Variants in RAC3 observed in about 807,000 individuals in gnomAD.
RAC3 encodes the protein ras-related C3 botulinum toxin substrate 3.
In RAC3, 9 loss-of-function variants were observed where a neutral mutation model predicts 19.0. The ratio of observed to expected loss-of-function variants is 0.47; its 90% CI spans 0.29 to 0.83. RAC3 has a LOEUF of 0.83. RAC3 is among the 40% of genes least tolerant of loss of function. The probability of loss-of-function intolerance (pLI) is 0.09; values close to 1 mark genes in which losing one functional copy is unlikely to be tolerated. For missense variants in RAC3, 203 were observed against 260.8 expected (o/e 0.78, Z 1.53); for synonymous variants, 146 against 111.8 (o/e 1.31, Z -1.93).
chr17:82,032,325 C>T, intron 1 of RAC3, 62 bp from the exon 2 acceptor site: 4 of 1,548,736 alleles, frequency 2.6e-6, no homozygotes, highest in Non-Finnish European at 3.6e-6. Context: ...GAGGGGGCTG[C>T]CCTTGCTGGG....
At chr17:82,031,951 G>GAGGGCGGGGT (rs1235965938) in intron 1 of RAC3, 155 bp downstream of exon 1, 1 of 179,766 alleles carries the variant, frequency 5.6e-6, no homozygotes, top group Non-Finnish European at 1.1e-5. Flanking sequence ...CGGGGTCGAG[G>GAGGGCGGGGT]AGGGCGGGGT....
chr17:82,033,974 G>GCAGAGAGGA lies in RAC3; in HGVS notation c.*148_*149insAGAGGACAG. 8.9e-7 allele frequency: 1 copy of GCAGAGAGGA among 1,119,780 alleles called. No individual in the cohort carries two copies. Among genetic ancestry groups the GCAGAGAGGA allele is most frequent in the Non-Finnish European group, 1.2e-6 (1 of 803,530 alleles). The allele number at this position is 1,119,780 out of a possible 1,614,324, so 69.4% of individuals were successfully genotyped here. On this transcript the variant is annotated 3_prime_UTR_variant, in exon 6 of 6. Transcript: ENST00000306897. This position sits in a 1 kb window ranked among gnomAD's most constrained non-coding sequence, Gnocchi z 6.2. ...GGAAGCATGGGGATGAGGCTGGGTG[G>GCAGAGAGGA]CAGGATCCTGTCCTCTCTGCCGCCT...
chr17:82,033,734 C>T lies in RAC3; in HGVS notation c.484C>T (p.Gln162Ter). 2 of 1,613,092 alleles carry T rather than the reference C, an allele frequency of 1.2e-6. No homozygotes were observed. Among genetic ancestry groups the T allele is most frequent in the Non-Finnish European group, 1.7e-6 (2 of 1,179,874 alleles). Reference sequence around the variant, plus strand: ...ATACCTGGAGTGCTCAGCCCTGACCCAGCGGGGCCTGAAGACAGTGTTTGA... The same window carrying T: ...ATACCTGGAGTGCTCAGCCCTGACCTAGCGGGGCCTGAAGACAGTGTTTGA... ...VKYLECSALT[Q>*]RGLKTVFDEA... Residue 162 changes from glutamine to a stop codon, truncating the protein, a stop_gained, in exon 6 of 6, where the codon CAG becomes TAG. Coordinates refer to ENST00000306897, the MANE Select transcript of RAC3 (RefSeq NM_005052.3). LOFTEE classifies it high-confidence loss of function. This position sits in a 1 kb window ranked among gnomAD's most constrained non-coding sequence, Gnocchi z 6.2.
rs528198490 is a variant in RAC3 at position 82,033,163 on chromosome 17, G to T, written c.288+154G>T. 1.4e-4 allele frequency among the ~76,000 whole-genome samples: 21 copies of T among 152,284 alleles called. No homozygotes were observed. The highest frequency in any genetic ancestry group is 8.5e-4 in the Admixed American group (13 of 15,292). Reference sequence around the variant, plus strand: ...TGACCATGGGGGCTGATGGGGTGCCGTGGTGGTGGTCACAGCTCTCAGAAT... The same window carrying T: ...TGACCATGGGGGCTGATGGGGTGCCTTGGTGGTGGTCACAGCTCTCAGAAT... On this transcript the variant is annotated intron_variant, in intron 4 of 5. Coordinates refer to ENST00000306897, the MANE Select transcript of RAC3 (RefSeq NM_005052.3). The surrounding 1 kb of genome is among the most constrained non-coding windows in gnomAD (Gnocchi z 6.2).
In RAC3 at chr17:82,032,037, G is replaced by A. The variant is rs369171676; in HGVS notation, c.35+241G>A. ...CCGGCTCCCGCTTGGGCTGGCTGCG[G>A]GCGAGGCGGGGCCGCCGCCCTGTCC... On this transcript the variant is annotated intron_variant, in intron 1 of 5. Transcript: ENST00000306897. The A allele has an allele frequency of 1.3e-5, 3 of 226,024 alleles. No homozygotes were observed. The South Asian group carries it at 3.7e-4, about 28-fold the overall frequency. The allele number at this position is 226,024 out of a possible 1,614,324, so 14.0% of individuals were successfully genotyped here. A position where few individuals can be genotyped will look rare whatever the true frequency, so the allele number is the denominator to read the frequency against.
In RAC3 at chr17:82,034,046, G is replaced by A. The variant is rs371608454; in HGVS notation, c.*217G>A. 7 of 533,892 alleles carry A rather than the reference G, an allele frequency of 1.3e-5. No homozygotes were observed. Among genetic ancestry groups the A allele is most frequent in the East Asian group, 3.8e-5 (1 of 26,590 alleles). 33.1% of individuals were successfully genotyped at this position (533,892 alleles called of 1,614,324 possible). On this transcript the variant is annotated 3_prime_UTR_variant, in exon 6 of 6. Coordinates refer to ENST00000306897, the MANE Select transcript of RAC3 (RefSeq NM_005052.3). Reference sequence around the variant, plus strand: ...CCTTCCCTGGCCCCCGCCGGAGGCCGGGAGGGAGCAGGGTCTCCCTCAGGG... The same window carrying A: ...CCTTCCCTGGCCCCCGCCGGAGGCCAGGAGGGAGCAGGGTCTCCCTCAGGG...
In RAC3 at chr17:82,033,002, G is replaced by C. The variant is rs755954997; in HGVS notation, c.281G>C (p.Arg94Pro). Residue 94 changes from arginine to proline, a missense_variant, in exon 4 of 6, where the codon CGT becomes CCT. Physicochemically the swap from Arg to Pro is moderately radical, Grantham distance 103. Coordinates refer to ENST00000306897, the MANE Select transcript of RAC3 (RefSeq NM_005052.3). This position sits in a 1 kb window ranked among gnomAD's most constrained non-coding sequence, Gnocchi z 6.2. ...AGCCCGGCCTCCTTCGAGAATGTTCGTGCCAAGGTAGGGCAAGGCTGGGGG... is the reference window on the plus strand; with the variant it reads ...AGCCCGGCCTCCTTCGAGAATGTTCCTGCCAAGGTAGGGCAAGGCTGGGGG... Reference protein sequence around the residue: ...LVSPASFENVRAKWYPEVRHH... With the variant: ...LVSPASFENVPAKWYPEVRHH... 1.2e-6 allele frequency: 2 copies of C among 1,613,350 alleles called. No individual in the cohort carries two copies. Among genetic ancestry groups the C allele is most frequent in the South Asian group, 1.1e-5 (1 of 91,084 alleles).
Position 82,031,740 on chromosome 17 carries a change from C to A in RAC3, c.-22C>A. The A allele has an allele frequency of 1.0e-6, 1 of 991,184 alleles. No individual in the cohort carries two copies. The highest frequency in any genetic ancestry group is 1.8e-5 in the African/African-American group (1 of 56,798). 61.4% of individuals were successfully genotyped at this position (991,184 alleles called of 1,614,324 possible). ...CCGCAGCTCGGCTCGCGGCCGCGCC[C>A]GCCGCCGCCCGGCCCGCGCCCATGC... On this transcript the variant is annotated 5_prime_UTR_variant, in exon 1 of 6. Coordinates refer to ENST00000306897, the MANE Select transcript of RAC3 (RefSeq NM_005052.3).
At position 82,033,939 on chromosome 17, in the gene RAC3, T is replaced by G. The variant is rs1598459694; in HGVS notation, c.*110T>G. The G allele has an allele frequency of 4.9e-5, 60 of 1,223,374 alleles. No individual in the cohort carries two copies. Among genetic ancestry groups the G allele is most frequent in the East Asian group, 6.1e-5 (2 of 32,868 alleles). The allele number at this position is 1,223,374 out of a possible 1,614,324, so 75.8% of individuals were successfully genotyped here. Reference sequence around the variant, plus strand: ...AGTCGGCTGTGGGGAGCGGTGGGGGTGGGCCGGGGGGAAGCATGGGGATGA... The same window carrying G: ...AGTCGGCTGTGGGGAGCGGTGGGGGGGGGCCGGGGGGAAGCATGGGGATGA... On this transcript the variant is annotated 3_prime_UTR_variant, in exon 6 of 6. Coordinates refer to ENST00000306897, the MANE Select transcript of RAC3 (RefSeq NM_005052.3). This position sits in a 1 kb window ranked among gnomAD's most constrained non-coding sequence, Gnocchi z 6.2.
chr17:82,032,991 C>T lies in RAC3; in HGVS notation c.270C>T (p.Phe90=), dbSNP rs760103983. 4.8e-5 allele frequency: 78 copies of T among 1,613,514 alleles called. 1 individual carries two copies. The Admixed American group carries it at 5.5e-4, about 11-fold the overall frequency. The change falls in exon 4 of 6, where the codon TTC becomes TTT. Residue 90 remains phenylalanine, a synonymous_variant. Coordinates refer to ENST00000306897, the MANE Select transcript of RAC3 (RefSeq NM_005052.3). The part of the protein sequence containing the change: ...ICFSLVSPAS[F]ENVRAKWYPE... ...TCTCTCTGGTGAGCCCGGCCTCCTTCGAGAATGTTCGTGCCAAGGTAGGGC... is the reference window on the plus strand; with the variant it reads ...TCTCTCTGGTGAGCCCGGCCTCCTTTGAGAATGTTCGTGCCAAGGTAGGGC...
At position 82,031,757 on chromosome 17, in the gene RAC3, C is replaced by G; in HGVS notation, c.-5C>G. 2.0e-6 allele frequency: 2 copies of G among 996,578 alleles called. No homozygotes were observed. Among genetic ancestry groups the G allele is most frequent in the Non-Finnish European group, 2.4e-6 (2 of 839,442 alleles). 61.7% of individuals were successfully genotyped at this position (996,578 alleles called of 1,614,324 possible). ...GCCGCGCCCGCCGCCGCCCGGCCCG[C>G]GCCCATGCAGGCCATCAAGTGCGTG... On this transcript the variant is annotated 5_prime_UTR_variant, in exon 1 of 6. Transcript: ENST00000306897.
Position 82,032,796 on chromosome 17 carries a change from G to A in RAC3, c.193G>A (p.Asp65Asn). Residue 65 changes from aspartate to asparagine, a missense_variant, in exon 3 of 6, where the codon GAT (aspartate) becomes AAT (asparagine). This residue lies in a region of RAC3 where 12 missense variants were observed against 35.2 expected (regional missense o/e 0.34). Transcript: ENST00000306897. ...GGACACAGCGGGTCAGGAGGACTAC[G>A]ATCGGCTGCGGCCACTCTCCTACCC... ...LWDTAGQEDY[D>N]RLRPLSYPQT... 6.2e-7 allele frequency: 1 copy of A among 1,613,022 alleles called. No homozygotes were observed. Among genetic ancestry groups the A allele is most frequent in the Non-Finnish European group, 8.5e-7 (1 of 1,179,998 alleles).
chr17:82,031,794 C>A lies in RAC3; in HGVS notation c.33C>A (p.Asp11Glu). Residue 11 changes from aspartate (D) to glutamate (E), a missense_variant and splice_region_variant, in exon 1 of 6, where the codon GAC becomes GAA. This residue lies in a region of RAC3 where 49 missense variants were observed against 67.4 expected (regional missense o/e 0.73). Coordinates refer to ENST00000306897, the MANE Select transcript of RAC3 (RefSeq NM_005052.3). ...CCATCAAGTGCGTGGTGGTCGGCGA[C>A]GGGTGAGTGCGCGGCCCGGAGGCCG... is the stretch of plus-strand genomic sequence containing the variant. The part of the protein sequence containing the change: MQAIKCVVVG[D>E]GAVGKTCLLI... 1.2e-6 allele frequency: 1 copy of A among 862,418 alleles called. No homozygotes were observed. Among genetic ancestry groups the A allele is most frequent in the Non-Finnish European group, 1.4e-6 (1 of 722,988 alleles). 53.4% of individuals were successfully genotyped at this position (862,418 alleles called of 1,614,324 possible).
intron 2 of RAC3, 60 bp from the exon 3 acceptor site, chr17:82,032,651 C>T (rs998681288): frequency 6.6e-7 from 1 of 1,524,494 alleles, no homozygotes; most frequent in East Asian, 2.3e-5. Context: ...CACAGGCCAG[C>T]AGGGCTGGGG....
At position 82,033,511 on chromosome 17, in the gene RAC3, C is replaced by G. The variant is rs757361062; in HGVS notation, c.360C>G (p.Arg120=). Residue 120 remains arginine (R), a synonymous_variant, in exon 5 of 6, where the codon CGC becomes CGG. Transcript: ENST00000306897. The surrounding 1 kb of genome is among the most constrained non-coding windows in gnomAD (Gnocchi z 6.2). ...ILLVGTKLDL[R]DDKDTIERLR... ...TGGTGGGCACCAAGCTGGACCTCCG[C>G]GACGACAAGGACACCATTGAGCGGC... is the stretch of plus-strand genomic sequence containing the variant. The G allele has an allele frequency of 6.2e-7, 1 of 1,612,856 alleles. No homozygotes were observed. Among genetic ancestry groups the G allele is most frequent in the Admixed American group, 1.7e-5 (1 of 59,998 alleles).
At chr17:82,032,142 T>G in intron 1 of RAC3, 1 of 537,304 alleles carries the variant, frequency 1.9e-6, no homozygotes. Flanking sequence ...ACCCTCGGAG[T>G]CGGGGCCTCT....
intron 3 of RAC3, 54 bp downstream of exon 3, chr17:82,032,882 C>A: frequency 1.2e-6 from 2 of 1,609,408 alleles, no homozygotes; most frequent in Non-Finnish European, 1.7e-6. Context: ...GAGATCCGCA[C>A]AAGGGAGGGA....
chr17:82,033,604 G>A lies in RAC3; in HGVS notation c.448+5G>A. 2.5e-6 allele frequency: 4 copies of A among 1,607,754 alleles called. No homozygotes were observed. Among genetic ancestry groups the A allele is most frequent in the Non-Finnish European group, 3.4e-6 (4 of 1,176,352 alleles). On this transcript the variant is annotated splice_donor_5th_base_variant and intron_variant, in intron 5 of 5. Transcript: ENST00000306897. The surrounding 1 kb of genome is among the most constrained non-coding windows in gnomAD (Gnocchi z 6.2). The stretch of plus-strand genomic sequence containing the variant: ...TGGCCATGGCCCGGGAGATTGGTGG[G>A]TAGGCGCTGGCGGCCTGCAGGGGAG...
Position 82,033,897 on chromosome 17 carries a change from G to A in RAC3, c.*68G>A, listed in dbSNP as rs2043457984. On this transcript the variant is annotated 3_prime_UTR_variant, in exon 6 of 6. Transcript: ENST00000306897. This position sits in a 1 kb window ranked among gnomAD's most constrained non-coding sequence, Gnocchi z 6.2. The stretch of plus-strand genomic sequence containing the variant: ...CTGGACGTGTCCGCTGTTGTGTTGA[G>A]ACGTGTGGTGTCCCTGAGTCGGCTG... 1 of 1,511,542 alleles carries A rather than the reference G, an allele frequency of 6.6e-7. No homozygotes were observed. Among genetic ancestry groups the A allele is most frequent in the Non-Finnish European group, 8.9e-7 (1 of 1,123,012 alleles). 93.6% of individuals were successfully genotyped at this position (1,511,542 alleles called of 1,614,324 possible). A position where few individuals can be genotyped will look rare whatever the true frequency, so the allele number is the denominator to read the frequency against.
Sources: allele counts gnomAD v4.1 joint callset (sites outside exome capture counted in the v4.1 genomes callset), GRCh38; gene constraint gnomAD v4.1.1; regional missense constraint gnomAD v4.1.1; non-coding constraint Gnocchi (gnomAD v3.1); transcripts MANE v1.5; gene names NCBI Gene and HGNC (gene_info 2026-07-23, HGNC 2026-07-21).